Variants in CDKAL1 observed in about 807,000 individuals in gnomAD.
CDKAL1 encodes the protein threonylcarbamoyladenosine tRNA methylthiotransferase.
Under a neutral mutation model 68.2 loss-of-function variants are expected in CDKAL1, and 32 were observed. The observed-to-expected ratio is 0.47, with a 90% confidence interval of 0.35 to 0.63. CDKAL1 has a LOEUF of 0.63. Ranked by LOEUF, CDKAL1 falls within the 30% of genes least tolerant of loss-of-function variation. CDKAL1 has a pLI of 0.00. For missense variants in CDKAL1, 606 were observed against 696.7 expected (o/e 0.87, Z 1.47); for synonymous variants, 234 against 244.3 (o/e 0.96, Z 0.39).
intron 4 of CDKAL1, among the ~76,000 whole-genome samples, chr6:20,564,312 T>G (rs1034265334): frequency 1.3e-5 from 2 of 152,244 alleles, no homozygotes; most frequent in Non-Finnish European, 2.9e-5. Context: ...AATTCTTTGC[T>G]CTACTCACCT....
At position 20,726,979 on chromosome 6, in the gene CDKAL1, C is replaced by T. The variant is rs191006870; in HGVS notation, c.372-12540C>T. Among the ~76,000 whole-genome samples the T allele has an allele frequency of 2.0e-5, 3 of 152,298 alleles. No individual in the cohort carries two copies. The East Asian group carries it at 5.8e-4, about 29-fold the overall frequency. On this transcript the variant is annotated intron_variant, in intron 5 of 15. Coordinates refer to ENST00000274695, the MANE Select transcript of CDKAL1 (RefSeq NM_017774.3). ...AAACTAGCTGAAACTGGTTTCTGGTCTCCAGTAGCTTATCGGAAAAGAATG... is the reference window on the plus strand; with the variant it reads ...AAACTAGCTGAAACTGGTTTCTGGTTTCCAGTAGCTTATCGGAAAAGAATG...
chr6:20,597,809 T>C (rs12192740), intron 4 of CDKAL1, among the ~76,000 whole-genome samples: 2,195 of 152,328 alleles, frequency 0.014, 16 homozygotes, highest in Non-Finnish European at 0.022. Context: ...GTTTAATCTA[T>C]TGTAATATTT....
At chr6:21,065,360 G>A in intron 12 of CDKAL1, 132 bp downstream of exon 12, 4 of 712,952 alleles carry the variant, frequency 5.6e-6, no homozygotes, top group Non-Finnish European at 9.0e-6. Flanking sequence ...TTCCAAGTTG[G>A]GGTCAGGGGC....
At chr6:20,934,901 T>TA (rs70990082) in intron 9 of CDKAL1, among the ~76,000 whole-genome samples, 2 of 20,572 alleles carry the variant, frequency 9.7e-5, no homozygotes, top group African/African-American at 6.7e-4. Flanking sequence ...GCCTTATACA[T>TA]TTTTTTTTTT....
chr6:21,184,304 C>T (rs1160012498), intron 13 of CDKAL1, among the ~76,000 whole-genome samples: 1 of 151,708 alleles, frequency 6.6e-6, no homozygotes, highest in African/African-American at 2.4e-5. Flanking sequence ...AAGCGATTCT[C>T]CTGCCTCAGC....
chr6:20,687,327 C>T (rs945038068), intron 5 of CDKAL1, among the ~76,000 whole-genome samples: 2 of 152,012 alleles, frequency 1.3e-5, no homozygotes, highest in East Asian at 1.9e-4. Flanking sequence ...TAGAATGTTG[C>T]TAATTATTGA....
In CDKAL1 at chr6:20,852,038, G is replaced by A. The variant is rs534634780; in HGVS notation, c.742+5860G>A. Among the ~76,000 whole-genome samples the A allele has an allele frequency of 8.3e-4, 126 of 152,162 alleles. 1 individual carries two copies. The highest frequency in any genetic ancestry group is 2.9e-3 in the African/African-American group (121 of 41,516). The stretch of plus-strand genomic sequence containing the variant: ...ATTCCTTTATCTTTTCATATGTGCT[G>A]TATTCAATTGAGAAATGCATGTTAT... On this transcript the variant is annotated intron_variant, in intron 9 of 15. Coordinates refer to ENST00000274695, the MANE Select transcript of CDKAL1 (RefSeq NM_017774.3).
rs187591955 is a variant in CDKAL1 at position 20,698,149 on chromosome 6, A to G, written c.372-41370A>G. Among the ~76,000 whole-genome samples, 22 of 152,260 alleles carry G rather than the reference A, an allele frequency of 1.4e-4. No individual in the cohort carries two copies. The East Asian group carries it at 4.1e-3, about 28-fold the overall frequency. On this transcript the variant is annotated intron_variant, in intron 5 of 15. Coordinates refer to ENST00000274695, the MANE Select transcript of CDKAL1 (RefSeq NM_017774.3). Reference sequence around the variant, plus strand: ...TATGGTAAGGTTTCCTGTGTATTGCAGTGTGTCTGTCTGTAACATAGTGGC... The same window carrying G: ...TATGGTAAGGTTTCCTGTGTATTGCGGTGTGTCTGTCTGTAACATAGTGGC...
intron 10 of CDKAL1, among the ~76,000 whole-genome samples, chr6:20,991,680 C>G (rs545009547): frequency 7.5e-6 from 1 of 133,358 alleles, no homozygotes; most frequent in East Asian, 2.3e-4. Flanking sequence ...GCACTCCAGC[C>G]TGGGTGACAG....
At chr6:21,194,210 T>C (rs1418620249) in intron 13 of CDKAL1, among the ~76,000 whole-genome samples, 1 of 152,234 alleles carries the variant, frequency 6.6e-6, no homozygotes, top group Non-Finnish European at 1.5e-5. Flanking sequence ...AATTTCAACA[T>C]GAGTTTTGTC....
At chr6:21,076,484 T>TA (rs1772082901) in intron 12 of CDKAL1, among the ~76,000 whole-genome samples, 1 of 152,220 alleles carries the variant, frequency 6.6e-6, no homozygotes, top group African/African-American at 2.4e-5. Flanking sequence ...GTGTAATCCT[T>TA]ACGTTTAACA....
chr6:20,774,180 G>A (rs1581553529), intron 7 of CDKAL1, among the ~76,000 whole-genome samples: 1 of 152,008 alleles, frequency 6.6e-6, no homozygotes, highest in South Asian at 2.1e-4. Context: ...AAGAAAAGTT[G>A]GGCTGTTTAT....
In CDKAL1 at chr6:21,180,495, G is replaced by C. The variant is rs529528366; in HGVS notation, c.1300-17526G>C. ...TTTTAGAAGCAAGCAGAAGTTAGCT[G>C]TCTGGTCCCAATGGTAATTATCTGA... is the stretch of plus-strand genomic sequence containing the variant. On this transcript the variant is annotated intron_variant, in intron 13 of 15. Transcript: ENST00000274695. 2.4e-4 allele frequency among the ~76,000 whole-genome samples: 36 copies of C among 152,162 alleles called. 1 individual carries two copies. The highest frequency in any genetic ancestry group is 6.8e-3 in the Middle Eastern group (2 of 294).
At chr6:21,048,606 A>G (rs548691225) in intron 11 of CDKAL1, among the ~76,000 whole-genome samples, 1 of 152,252 alleles carries the variant, frequency 6.6e-6, no homozygotes, top group African/African-American at 2.4e-5. Flanking sequence ...CTTGAAATGT[A>G]ATGTTTCTGA....
At chr6:20,855,038 G>T (rs1413547803) in intron 9 of CDKAL1, among the ~76,000 whole-genome samples, 3 of 152,194 alleles carry the variant, frequency 2.0e-5, no homozygotes, top group African/African-American at 7.2e-5. Context: ...GTTTGAAAGA[G>T]TTTTCACATA....
At chr6:21,219,174 C>A (rs1337669890) in intron 15 of CDKAL1, among the ~76,000 whole-genome samples, 1 of 152,116 alleles carries the variant, frequency 6.6e-6, no homozygotes, top group South Asian at 2.1e-4. Flanking sequence ...CTCTTGGTAT[C>A]TGTGGGGGAT....
intron 13 of CDKAL1, among the ~76,000 whole-genome samples, chr6:21,142,132 G>T (rs1436565777): frequency 6.6e-6 from 1 of 152,058 alleles, no homozygotes; most frequent in Admixed American, 6.6e-5. Flanking sequence ...ACTGTGTTTT[G>T]TACCAGATTC....
At chr6:20,729,949 C>G (rs1772832486) in intron 5 of CDKAL1, among the ~76,000 whole-genome samples, 1 of 152,110 alleles carries the variant, frequency 6.6e-6, no homozygotes, top group Non-Finnish European at 1.5e-5. Flanking sequence ...TAAAATACGC[C>G]AAAATCCCCA....
chr6:21,213,272 C>T (rs1582429551), intron 15 of CDKAL1, among the ~76,000 whole-genome samples: 1 of 152,106 alleles, frequency 6.6e-6, no homozygotes, highest in East Asian at 1.9e-4. Context: ...TTGGGAAGCC[C>T]TGAACGCTGC....
Sources: allele counts gnomAD v4.1 joint callset (sites outside exome capture counted in the v4.1 genomes callset), GRCh38; gene constraint gnomAD v4.1.1; transcripts MANE v1.5; gene names NCBI Gene and HGNC (gene_info 2026-07-23, HGNC 2026-07-21).